The following TBC1D8 variants were observed in gnomAD, a reference collection of about 807,000 sequenced individuals.
TBC1D8 encodes BUB2-like protein 1.
Under a neutral mutation model 118.8 loss-of-function variants are expected in TBC1D8, and 65 were observed. That is an observed-to-expected ratio of 0.55 (90% confidence interval 0.45 to 0.67). TBC1D8 has a LOEUF of 0.67. TBC1D8 is among the 30% of genes least tolerant of loss of function. The pLI is 0.00. For synonymous variants in TBC1D8, 566 were observed against 595.8 expected (o/e 0.95, Z 0.73); for missense variants, 1,376 against 1,471.2 (o/e 0.94, Z 1.06).
At chr2:101,102,191 C>T (rs1278726455) in intron 1 of TBC1D8, among the ~76,000 whole-genome samples, 6 of 152,304 alleles carry the variant, frequency 3.9e-5, no homozygotes, top group African/African-American at 7.2e-5. Flanking sequence ...CAGTGGCTCA[C>T]GCCTGTAATC....
chr2:101,091,198 T>C (rs1676011948), intron 1 of TBC1D8, among the ~76,000 whole-genome samples: 1 of 151,990 alleles, frequency 6.6e-6, no homozygotes, highest in Non-Finnish European at 1.5e-5. Flanking sequence ...GGCAAGAGAA[T>C]CGCTTGATCC....
intron 1 of TBC1D8, among the ~76,000 whole-genome samples, chr2:101,135,945 T>C (rs984323872): frequency 6.6e-6 from 1 of 152,228 alleles, no homozygotes; most frequent in Non-Finnish European, 1.5e-5. Context: ...CTGCAACCTC[T>C]GCCTCAGGGC....
intron 7 of TBC1D8, 66 bp downstream of exon 7, chr2:101,038,395 C>T: frequency 1.3e-6 from 2 of 1,546,512 alleles, no homozygotes; most frequent in Non-Finnish European, 1.8e-6. Context: ...CCCATGTGTA[C>T]TCCCCTTTGG....
intron 2 of TBC1D8, among the ~76,000 whole-genome samples, chr2:101,065,731 A>AGT (rs1682977985): frequency 6.6e-6 from 1 of 152,224 alleles, no homozygotes; most frequent in Non-Finnish European, 1.5e-5. Context: ...GTGAAATTAA[A>AGT]GAGTCCTAAA....
At position 101,088,413 on chromosome 2, in the gene TBC1D8, G is replaced by A. The variant is rs1574010610; in HGVS notation, c.283+1796C>T. Among the ~76,000 whole-genome samples the A allele has an allele frequency of 2.0e-5, 3 of 151,706 alleles. No homozygotes were observed. The South Asian group carries it at 6.2e-4, about 32-fold the overall frequency. ...CGCAATTCTCCTGCCTCAGCCTCCCGAGTAGCTGGGATTATAGGCACCCAC... is the reference window on the plus strand; with the variant it reads ...CGCAATTCTCCTGCCTCAGCCTCCCAAGTAGCTGGGATTATAGGCACCCAC... On this transcript the variant is annotated intron_variant, in intron 2 of 19. Transcript: ENST00000409318.
At chr2:101,063,215 G>A (rs1239470161) in intron 2 of TBC1D8, among the ~76,000 whole-genome samples, 1 of 152,082 alleles carries the variant, frequency 6.6e-6, no homozygotes, top group Non-Finnish European at 1.5e-5. Flanking sequence ...TTATCATCAA[G>A]CTCCAACACA....
intron 1 of TBC1D8, among the ~76,000 whole-genome samples, chr2:101,137,129 T>A (rs1294838454): frequency 6.6e-6 from 1 of 150,512 alleles, no homozygotes; most frequent in Non-Finnish European, 1.5e-5. Flanking sequence ...GCCTCCCAGG[T>A]TCAAGTGATT....
At chr2:101,108,768 AG>A (rs1677394784) in intron 1 of TBC1D8, among the ~76,000 whole-genome samples, 1 of 141,400 alleles carries the variant, frequency 7.1e-6, no homozygotes, top group Non-Finnish European at 1.5e-5. Flanking sequence ...TTTTAAGGTC[AG>A]CTGATAAGCA....
In TBC1D8 at chr2:101,029,648, T is replaced by C; in HGVS notation, c.2065A>G (p.Ser689Gly). ...SLSWFLTLFL[S>G]IMPLESAVNV... is the part of the protein sequence containing the mutation. The stretch of plus-strand genomic sequence containing the variant: ...ACCGCACTCTCTAGAGGCATGATGC[T>C]GAGGAACAGGGTCAGGAACCACGAG... The change falls in exon 12 of 20, where the codon AGC becomes GGC. Residue 689 changes from serine to glycine, a missense_variant. Coordinates refer to ENST00000409318, the MANE Select transcript of TBC1D8 (RefSeq NM_001330348.2). The C allele has an allele frequency of 6.2e-7, 1 of 1,613,952 alleles. No homozygotes were observed. The highest frequency in any genetic ancestry group is 8.5e-7 in the Non-Finnish European group (1 of 1,179,894).
intron 4 of TBC1D8, among the ~76,000 whole-genome samples, chr2:101,051,265 A>T (rs865842617): frequency 6.6e-6 from 1 of 152,194 alleles, no homozygotes; most frequent in African/African-American, 2.4e-5. Context: ...TCCTTTGGAT[A>T]TACACCTAGT....
intron 1 of TBC1D8, among the ~76,000 whole-genome samples, chr2:101,146,999 C>T (rs1378219886): frequency 6.6e-6 from 1 of 152,158 alleles, no homozygotes. Context: ...ACACGATGTC[C>T]TCTTCCAGGT....
intron 2 of TBC1D8, among the ~76,000 whole-genome samples, chr2:101,078,696 C>G (rs12474525): frequency 0.88 from 125,023 of 141,462 alleles, 55,401 homozygotes; most frequent in African/African-American, 0.97. Flanking sequence ...TTTGGGACAT[C>G]TTTGAAAATC....
chr2:101,073,200 C>T (rs1253592254), intron 2 of TBC1D8, among the ~76,000 whole-genome samples: 3 of 152,154 alleles, frequency 2.0e-5, no homozygotes, highest in African/African-American at 7.2e-5. Flanking sequence ...TCCTCTCCAG[C>T]TATACAATTT....
chr2:101,132,620 A>C (rs368721890), intron 1 of TBC1D8, among the ~76,000 whole-genome samples: 96 of 152,170 alleles, frequency 6.3e-4, no homozygotes, highest in African/African-American at 2.2e-3. Context: ...ATAGGATCTC[A>C]CTCTGCAGCC....
intron 12 of TBC1D8, among the ~76,000 whole-genome samples, chr2:101,029,139 A>C (rs1261362428): frequency 3.3e-5 from 5 of 152,184 alleles, no homozygotes; most frequent in Admixed American, 3.3e-4. Flanking sequence ...TTGTAATCCC[A>C]GCACTCTGGG....
intron 2 of TBC1D8, among the ~76,000 whole-genome samples, chr2:101,061,302 A>G (rs942983613): frequency 6.6e-6 from 1 of 152,068 alleles, no homozygotes; most frequent in African/African-American, 2.4e-5. Flanking sequence ...ACCCCACACA[A>G]GAAGGTGCCA....
rs143124223 is a variant in TBC1D8, at chr2:101,040,816, T to A, written c.873-431A>T. ...CTGGCACAATTTGTATTTAAGTGAG[T>A]GCAAAAAGGCACCATGCATGTCCTG... On this transcript the variant is annotated intron_variant, in intron 5 of 19. Coordinates refer to ENST00000409318, the MANE Select transcript of TBC1D8 (RefSeq NM_001330348.2). 9.2e-5 allele frequency among the ~76,000 whole-genome samples: 14 copies of A among 152,316 alleles called. No homozygotes were observed. The East Asian group carries it at 2.3e-3, about 25-fold the overall frequency.
Position 101,151,188 on chromosome 2 carries a change from G to C in TBC1D8, c.66C>G (p.Ser22Arg). Residue 22 changes from serine to arginine, a missense_variant, in exon 1 of 20, where the codon AGC (serine) becomes AGG (arginine). Physicochemically the swap from Ser to Arg is moderately radical, Grantham distance 110 (BLOSUM62 -1). Coordinates refer to ENST00000409318, the MANE Select transcript of TBC1D8 (RefSeq NM_001330348.2). ...GCCGCTGCAGGATGAAGTAGCAGCT[G>C]CTCTTCTGGGTCACCCAGAGCTTCA... ...NALKLWVTQK[S>R]SCYFILQRRR... 8.0e-7 allele frequency: 1 copy of C among 1,255,714 alleles called. No homozygotes were observed. The highest frequency in any genetic ancestry group is 1.0e-6 in the Non-Finnish European group (1 of 974,652). 77.8% of individuals were successfully genotyped at this position (1,255,714 alleles called of 1,614,324 possible).
intron 4 of TBC1D8, among the ~76,000 whole-genome samples, chr2:101,052,479 C>CTT (rs3043690): frequency 0.82 from 114,307 of 138,812 alleles, 47,346 homozygotes; most frequent in Middle Eastern, 0.88. Flanking sequence ...TTTCCTAAAT[C>CTT]TTTTTTTTTT....
Sources: gnomAD v4.1 joint callset for allele counts (sites outside exome capture counted in the v4.1 genomes callset) on GRCh38, gnomAD v4.1.1 for gene constraint, MANE v1.5 for transcripts, NCBI Gene and HGNC (gene_info 2026-07-23, HGNC 2026-07-21) for gene names.